The following SMOC2 variants were observed in gnomAD, a reference collection of about 807,000 sequenced individuals.
The protein encoded by SMOC2 is SPARC related modular calcium binding 2, also known as SPARC-related modular calcium-binding protein 2.
A neutral mutation model predicts 61.4 loss-of-function variants in SMOC2; 39 were observed. The ratio of observed to expected loss-of-function variants is 0.64; its 90% CI spans 0.49 to 0.83. SMOC2 has a LOEUF of 0.83. SMOC2 is among the 40% of genes least tolerant of loss of function. The pLI, the probability that SMOC2 is intolerant of heterozygous loss-of-function variation, is 0.00. For synonymous variants in SMOC2, 247 were observed against 239.9 expected (o/e 1.03, Z -0.27); for missense variants, 556 against 592.9 (o/e 0.94, Z 0.65).
At chr6:168,580,129 T>C (rs1314608459) in intron 7 of SMOC2, among the ~76,000 whole-genome samples, 1 of 152,232 alleles carries the variant, frequency 6.6e-6, no homozygotes, top group East Asian at 1.9e-4. Context: ...CTAGGATTCA[T>C]GTTTCAGAAT....
chr6:168,622,575 A>G (rs920833062), intron 9 of SMOC2, among the ~76,000 whole-genome samples: 3 of 152,092 alleles, frequency 2.0e-5, no homozygotes, highest in African/African-American at 7.2e-5. Flanking sequence ...CCTAGAGTCC[A>G]TGTGTGCTCG....
At chr6:168,470,946 C>T (rs1781956059) in intron 1 of SMOC2, among the ~76,000 whole-genome samples, 1 of 152,122 alleles carries the variant, frequency 6.6e-6, no homozygotes, top group Admixed American at 6.5e-5. Context: ...TTTACCCAAA[C>T]ATGAAACAAA....
At position 168,642,276 on chromosome 6, in the gene SMOC2, A is replaced by G. The variant is rs113680202; in HGVS notation, c.908-8405A>G. 3.7e-3 allele frequency among the ~76,000 whole-genome samples: 566 copies of G among 152,354 alleles called. 6 individuals carry two copies. Among genetic ancestry groups the G allele is most frequent in the African/African-American group, 0.013 (521 of 41,594 alleles). On this transcript the variant is annotated intron_variant, in intron 9 of 12. Transcript: ENST00000356284. ...GAAAACAGAAGTGAGGCACAGAACC[A>G]GCCGGATTGGCTACAGCTCGGCGTC...
chr6:168,491,956 C>T (rs180922326), intron 1 of SMOC2, among the ~76,000 whole-genome samples: 5 of 152,270 alleles, frequency 3.3e-5, no homozygotes, highest in East Asian at 1.9e-4. Context: ...CACATTCTCC[C>T]GCATTCTTCT....
At chr6:168,575,426 T>A (rs984503462) in intron 7 of SMOC2, among the ~76,000 whole-genome samples, 1 of 152,144 alleles carries the variant, frequency 6.6e-6, no homozygotes, top group East Asian at 1.9e-4. Flanking sequence ...TAGATAGCGC[T>A]TTACTGTAGT....
At chr6:168,601,990 T>C (rs1382797439) in intron 8 of SMOC2, among the ~76,000 whole-genome samples, 1 of 152,204 alleles carries the variant, frequency 6.6e-6, no homozygotes, top group East Asian at 1.9e-4. Flanking sequence ...AGTAAACAAA[T>C]GGAGACAGCT....
intron 4 of SMOC2, among the ~76,000 whole-genome samples, chr6:168,530,631 G>T (rs2076779): frequency 0.69 from 96,353 of 139,356 alleles, 35,861 homozygotes; most frequent in Non-Finnish European, 0.8. Context: ...TTAAAGTCAC[G>T]GTGCAACCCC....
chr6:168,558,842 T>C (rs1475050970), intron 7 of SMOC2, among the ~76,000 whole-genome samples: 1 of 150,672 alleles, frequency 6.6e-6, no homozygotes, highest in East Asian at 2.0e-4. Context: ...TGTGCACGTG[T>C]GTATGTGCGC....
chr6:168,598,282 C>G (rs1170111192), intron 7 of SMOC2, among the ~76,000 whole-genome samples: 1 of 152,202 alleles, frequency 6.6e-6, no homozygotes, highest in Non-Finnish European at 1.5e-5. Context: ...AAGTCTCCCC[C>G]TCGTTTGGGG....
chr6:168,481,923 C>T (rs1782215474), intron 1 of SMOC2, among the ~76,000 whole-genome samples: 1 of 151,646 alleles, frequency 6.6e-6, no homozygotes, highest in East Asian at 1.9e-4. Flanking sequence ...AAATGTATAG[C>T]TATTAATTCT....
chr6:168,578,830 G>A (rs954670439), intron 7 of SMOC2, among the ~76,000 whole-genome samples: 3 of 152,158 alleles, frequency 2.0e-5, no homozygotes, highest in Non-Finnish European at 4.4e-5. Flanking sequence ...CAGGGCTTGC[G>A]GTATCTTTTC....
intron 7 of SMOC2, among the ~76,000 whole-genome samples, chr6:168,569,398 T>C (rs1008162448): frequency 6.6e-6 from 1 of 152,174 alleles, no homozygotes; most frequent in Admixed American, 6.5e-5. Context: ...TTGTTGAATT[T>C]TAAGTGTTCT....
chr6:168,484,309 C>T (rs1040143539), intron 1 of SMOC2, among the ~76,000 whole-genome samples: 2 of 151,766 alleles, frequency 1.3e-5, no homozygotes, highest in Non-Finnish European at 2.9e-5. Flanking sequence ...AAAAAAGATA[C>T]ACAAATAGCC....
intron 2 of SMOC2, among the ~76,000 whole-genome samples, chr6:168,525,105 T>A (rs928851432): frequency 2.6e-5 from 4 of 152,258 alleles, no homozygotes; most frequent in African/African-American, 9.6e-5. Context: ...GATTGAAATC[T>A]GGAAATACGT....
chr6:168,547,293 CACAG>C (rs1784026436), intron 6 of SMOC2, 124 bp downstream of exon 6: 4 of 777,842 alleles, frequency 5.1e-6, no homozygotes, highest in South Asian at 1.5e-5. Flanking sequence ...ACATGCCAGA[CACAG>C]ACAGAAAAGA....
rs1783951626 is a variant in SMOC2 at position 168,544,712 on chromosome 6, T to C, written c.511+1040T>C. ...AATAATAAAAATAAAAATCGGAGTT[T>C]TATTCAACCAATCCCTTCTGCATGT... On this transcript the variant is annotated intron_variant, in intron 5 of 12. Transcript: ENST00000356284. This position sits in a 1 kb window ranked among gnomAD's most constrained non-coding sequence, Gnocchi z 4.1. 6.6e-6 allele frequency among the ~76,000 whole-genome samples: 1 copy of C among 152,148 alleles called. No individual in the cohort carries two copies. Among genetic ancestry groups the C allele is most frequent in the South Asian group, 2.1e-4 (1 of 4,822 alleles).
At position 168,625,441 on chromosome 6, in the gene SMOC2, A is replaced by C. The variant is rs1448271428; in HGVS notation, c.907+17202A>C. On this transcript the variant is annotated intron_variant, in intron 9 of 12. Coordinates refer to ENST00000356284, the MANE Select transcript of SMOC2 (RefSeq NM_001166412.2). ...GCCCAGAGAGGTTCAGGACTCGCCC[A>C]GTGTGGCCTGAAGGTCAGCTCAAAT... Among the ~76,000 whole-genome samples, 4 of 152,344 alleles carry C rather than the reference A, an allele frequency of 2.6e-5. No individual in the cohort carries two copies. The East Asian group carries it at 7.7e-4, about 29-fold the overall frequency.
Position 168,608,253 on chromosome 6 carries a change from G to T in SMOC2, c.907+14G>T, listed in dbSNP as rs776824374. The T allele has an allele frequency of 9.3e-6, 15 of 1,608,650 alleles. No individual in the cohort carries two copies. Among genetic ancestry groups the T allele is most frequent in the Non-Finnish European group, 1.2e-5 (14 of 1,177,620 alleles). ...GCCAGCTACAAGGTGAGCAGCACCC[G>T]CGAGTGTGGCCCGAATCCACAGGCC... is the stretch of plus-strand genomic sequence containing the variant. On this transcript the variant is annotated intron_variant, in intron 9 of 12. Transcript: ENST00000356284.
At chr6:168,451,605 C>CTCTG (rs1320147749) in intron 1 of SMOC2, among the ~76,000 whole-genome samples, 2 of 82,828 alleles carry the variant, frequency 2.4e-5, no homozygotes, top group Non-Finnish European at 2.1e-5. Context: ...CTCTGTCTCT[C>CTCTG]TCTCTCTCTC....
Sources: gnomAD v4.1 joint callset for allele counts (sites outside exome capture counted in the v4.1 genomes callset) on GRCh38, gnomAD v4.1.1 for gene constraint, Gnocchi (gnomAD v3.1) non-coding constraint, MANE v1.5 for transcripts, NCBI Gene and HGNC (gene_info 2026-07-23, HGNC 2026-07-21) for gene names.